The following CRYZL1 variants were observed in gnomAD, a reference collection of about 807,000 sequenced individuals.
The protein encoded by CRYZL1 is ferry endosomal RAB5 effector complex subunit 4.
A neutral mutation model predicts 50.6 loss-of-function variants in CRYZL1; 34 were observed. That is an observed-to-expected ratio of 0.67 (90% CI 0.51 to 0.89). The LOEUF is 0.89. CRYZL1 is among the 40% of genes least tolerant of loss of function. The pLI is 0.00. For synonymous variants in CRYZL1, 125 were observed against 134.3 expected (o/e 0.93, Z 0.48); for missense variants, 354 against 402.3 (o/e 0.88, Z 1.03).
At chr21:33,633,733 A>T (rs1389057746) in intron 1 of CRYZL1, 1 of 152,236 alleles carries the variant, frequency 6.6e-6, no homozygotes, top group African/African-American at 2.4e-5. Flanking sequence ...TACCTTTAAG[A>T]TAATAATTAA....
chr21:33,613,683 T>G (rs1347572170), intron 5 of CRYZL1, 77 bp from the exon 6 acceptor site: 1 of 1,054,250 alleles, frequency 9.5e-7, no homozygotes, highest in Non-Finnish European at 1.5e-6. Context: ...TTATTACAAA[T>G]TTTGTTCAGT....
chr21:33,634,202 G>A (rs1215758907), intron 1 of CRYZL1, among the ~76,000 whole-genome samples: 1 of 152,160 alleles, frequency 6.6e-6, no homozygotes, highest in African/African-American at 2.4e-5. Context: ...GGGGAGAACC[G>A]AAGCATGGAT....
intron 6 of CRYZL1, among the ~76,000 whole-genome samples, chr21:33,611,641 C>T (rs1363727367): frequency 6.6e-6 from 1 of 152,036 alleles, no homozygotes; most frequent in Non-Finnish European, 1.5e-5. Context: ...AGGTTTAATT[C>T]AATAGTTCAA....
intron 1 of CRYZL1, chr21:33,640,127 A>G (rs2145970699): frequency 1.9e-6 from 3 of 1,545,486 alleles, no homozygotes; most frequent in South Asian, 1.2e-5. Context: ...CGCTCGGCCA[A>G]TATGTGTATT....
intron 4 of CRYZL1, among the ~76,000 whole-genome samples, chr21:33,621,587 C>G (rs988282359): frequency 5.3e-5 from 8 of 151,990 alleles, no homozygotes; most frequent in Non-Finnish European, 8.8e-5. Context: ...GTGATCCGCC[C>G]GCCTCAGCCT....
intron 8 of CRYZL1, 93 bp downstream of exon 8, chr21:33,602,141 G>A (rs1281587379): frequency 1.4e-6 from 1 of 725,668 alleles, no homozygotes; most frequent in Admixed American, 2.2e-5. Context: ...CACCTGGCCA[G>A]GGATTTTGTA....
chr21:33,605,739 G>T (rs1340688728), intron 6 of CRYZL1, among the ~76,000 whole-genome samples: 2 of 151,480 alleles, frequency 1.3e-5, no homozygotes, highest in African/African-American at 4.9e-5. Context: ...GGCCAGGCTG[G>T]TCTCGAACTC....
chr21:33,638,600 T>C (rs752526800), intron 1 of CRYZL1, among the ~76,000 whole-genome samples: 47 of 152,198 alleles, frequency 3.1e-4, no homozygotes, highest in Non-Finnish European at 6.8e-4. Context: ...GAAATATGTA[T>C]ATTCAAAGGA....
intron 1 of CRYZL1, chr21:33,639,706 T>A (rs1394602245): frequency 1.3e-5 from 2 of 152,396 alleles, no homozygotes; most frequent in Non-Finnish European, 2.9e-5. Context: ...GAATTGTAAT[T>A]TTGATTAAAT....
intron 1 of CRYZL1, among the ~76,000 whole-genome samples, chr21:33,635,346 C>CTT (rs11346670): frequency 7.5e-4 from 70 of 93,452 alleles, no homozygotes; most frequent in Non-Finnish European, 1.0e-3. Flanking sequence ...AAGTATTAAA[C>CTT]TTTTTTTTTT....
intron 1 of CRYZL1, chr21:33,633,518 G>C (rs185886436): frequency 6.6e-6 from 1 of 152,308 alleles, no homozygotes; most frequent in African/African-American, 2.4e-5. Context: ...AGGTTCAAGC[G>C]ATTCTCCTGC....
At chr21:33,618,409 G>C (rs1601341227) in intron 4 of CRYZL1, among the ~76,000 whole-genome samples, 1 of 152,058 alleles carries the variant, frequency 6.6e-6, no homozygotes, top group African/African-American at 2.4e-5. Context: ...CAAGAGGAAA[G>C]GGGAGGAAAA....
chr21:33,616,082 C>A (rs550285574), intron 5 of CRYZL1, among the ~76,000 whole-genome samples: 314 of 152,150 alleles, frequency 2.1e-3, no homozygotes, highest in Non-Finnish European at 3.3e-3. Context: ...CCCTCCCCCC[C>A]CCAACCCCAC....
chr21:33,613,855 G>A (rs1256637246), intron 5 of CRYZL1, among the ~76,000 whole-genome samples: 1 of 152,156 alleles, frequency 6.6e-6, no homozygotes, highest in Non-Finnish European at 1.5e-5. Flanking sequence ...AGAGTCTTGG[G>A]AGCATCTGGA....
At chr21:33,597,209 A>G (rs1220318817) in intron 10 of CRYZL1, 71 bp downstream of exon 10, 1 of 1,471,666 alleles carries the variant, frequency 6.8e-7, no homozygotes, top group Non-Finnish European at 9.5e-7. Context: ...GCCTCAAATA[A>G]CTTAGGCATT....
chr21:33,611,733 G>A (rs2086874795), intron 6 of CRYZL1, among the ~76,000 whole-genome samples: 1 of 152,214 alleles, frequency 6.6e-6, no homozygotes, highest in Non-Finnish European at 1.5e-5. Context: ...TATGCTGGCT[G>A]TACCACTGGA....
chr21:33,619,105 C>A (rs2086967537), intron 4 of CRYZL1, among the ~76,000 whole-genome samples: 1 of 152,124 alleles, frequency 6.6e-6, no homozygotes, highest in South Asian at 2.1e-4. Flanking sequence ...TCATAATATT[C>A]CTCCAAATTG....
chr21:33,594,192 T>C (rs1176157050), intron 11 of CRYZL1, among the ~76,000 whole-genome samples: 1 of 150,724 alleles, frequency 6.6e-6, no homozygotes, highest in Non-Finnish European at 1.5e-5. Flanking sequence ...TCTCGCTCTG[T>C]AGCTAAGCTG....
chr21:33,621,153 C>T (rs2086995373), intron 4 of CRYZL1, among the ~76,000 whole-genome samples: 1 of 149,994 alleles, frequency 6.7e-6, no homozygotes, highest in South Asian at 2.1e-4. Context: ...GATCCGCCCG[C>T]CTCGGCCTCC....
Sources: allele counts gnomAD v4.1 joint callset (sites outside exome capture counted in the v4.1 genomes callset), GRCh38; gene constraint gnomAD v4.1.1; transcripts MANE v1.5; gene names NCBI Gene and HGNC (gene_info 2026-07-23, HGNC 2026-07-21).